KDSR: variants seen among roughly 807,000 people sequenced by gnomAD.
The protein encoded by KDSR is 3-ketodihydrosphingosine reductase.
Under a neutral mutation model 41.3 loss-of-function variants are expected in KDSR, and 23 were observed. That is an observed-to-expected ratio of 0.56 (90% confidence interval 0.40 to 0.79). KDSR has a LOEUF of 0.79. Among genes scored for constraint, KDSR ranks in the 30% least tolerant of loss-of-function variants. The pLI, the probability that KDSR is intolerant of heterozygous loss-of-function variation, is 0.00. For synonymous variants in KDSR, 138 were observed against 151.7 expected, an observed-to-expected ratio of 0.91 and a Z score of 0.66; for missense variants, 351 against 416.8, an observed-to-expected ratio of 0.84 and a Z score of 1.37.
chr18:63,351,145 C>T, intron 5 of KDSR, 66 bp from the exon 6 acceptor site: 2 of 1,358,040 alleles, frequency 1.5e-6, no homozygotes, highest in Non-Finnish European at 2.0e-6. Flanking sequence ...AGAATTTAGT[C>T]TGCTTTCTGG....
At chr18:63,357,541 T>TAC (rs1568282523) in intron 3 of KDSR, among the ~76,000 whole-genome samples, 1 of 145,092 alleles carries the variant, frequency 6.9e-6, no homozygotes, top group Non-Finnish European at 1.5e-5. Context: ...TATATATATA[T>TAC]ACACATATAT....
At chr18:63,340,105 T>C (rs1446706423) in intron 7 of KDSR, among the ~76,000 whole-genome samples, 1 of 152,190 alleles carries the variant, frequency 6.6e-6, no homozygotes, top group Non-Finnish European at 1.5e-5. Flanking sequence ...CACATCAATG[T>C]AGAATTGTAT....
At chr18:63,361,049 T>A (rs371958667) in intron 2 of KDSR, among the ~76,000 whole-genome samples, 2 of 59,050 alleles carry the variant, frequency 3.4e-5, no homozygotes, top group Admixed American at 1.8e-4. Flanking sequence ...AAATATATAT[T>A]TTATATATAT....
chr18:63,330,514 TAC>T lies in KDSR; in HGVS notation c.*1266_*1267del, dbSNP rs1913948015. ...CAGGGGCCAAGAGGGTTTCCAGGGC[TAC>T]AGAGTTAGATGAGTGGGCTTCCTTA... On this transcript the variant is annotated 3_prime_UTR_variant, in exon 10 of 10. Transcript: ENST00000645214. 1.3e-5 allele frequency: 3 copies of T among 231,836 alleles called. No individual in the cohort carries two copies. The highest frequency in any genetic ancestry group is 6.6e-5 in the African/African-American group (3 of 45,260). 14.4% of individuals were successfully genotyped at this position (231,836 alleles called of 1,614,324 possible). A position where few individuals can be genotyped will look rare whatever the true frequency, so the allele number is the denominator to read the frequency against.
At chr18:63,362,973 C>T in intron 1 of KDSR, 105 bp from the exon 2 acceptor site, 3 of 709,920 alleles carry the variant, frequency 4.2e-6, no homozygotes, top group Middle Eastern at 2.4e-4. Context: ...TCTACAAGAA[C>T]TAAATGATTA....
intron 6 of KDSR, among the ~76,000 whole-genome samples, chr18:63,350,428 G>A (rs1453203011): frequency 2.0e-5 from 3 of 152,140 alleles, no homozygotes; most frequent in African/African-American, 7.2e-5. Flanking sequence ...TTACAGATGA[G>A]GAAACTGAGA....
At chr18:63,362,975 A>G (rs1170488417) in intron 1 of KDSR, 107 bp from the exon 2 acceptor site, 5 of 702,598 alleles carry the variant, frequency 7.1e-6, no homozygotes, top group African/African-American at 1.8e-5. Flanking sequence ...TACAAGAACT[A>G]AATGATTAGC....
intron 7 of KDSR, among the ~76,000 whole-genome samples, chr18:63,343,905 C>T (rs74257015): frequency 0.074 from 11,268 of 152,142 alleles, 631 homozygotes; most frequent in East Asian, 0.27. Flanking sequence ...TGGCTGGGTA[C>T]AATGGCTCAT....
At chr18:63,352,983 A>G (rs1216762715) in intron 5 of KDSR, among the ~76,000 whole-genome samples, 4 of 149,268 alleles carry the variant, frequency 2.7e-5, no homozygotes, top group Admixed American at 6.7e-5. Context: ...CGTGACCAAC[A>G]TGGTGAAAAC....
intron 5 of KDSR, among the ~76,000 whole-genome samples, chr18:63,353,039 G>C (rs1914699053): frequency 6.6e-6 from 1 of 151,402 alleles, no homozygotes; most frequent in Non-Finnish European, 1.5e-5. Flanking sequence ...AAATTAGCCA[G>C]GCATAGTGGT....
intron 5 of KDSR, 139 bp from the exon 6 acceptor site, chr18:63,351,218 A>C (rs1914654882): frequency 1.6e-6 from 1 of 615,600 alleles, no homozygotes; most frequent in African/African-American, 1.8e-5. Context: ...TGAATGAATG[A>C]ATGATGACAT....
chr18:63,355,227 C>A lies in KDSR; in HGVS notation c.394G>T (p.Asp132Tyr). 5 of 1,613,798 alleles carry A rather than the reference C, an allele frequency of 3.1e-6. No homozygotes were observed. Among genetic ancestry groups the A allele is most frequent in the Non-Finnish European group, 4.2e-6 (5 of 1,179,680 alleles). Residue 132 changes from aspartate to tyrosine, a missense_variant, in exon 5 of 10, where the codon GAT becomes TAT. Asp to Tyr is a radical substitution (Grantham distance 160). Coordinates refer to ENST00000645214, the MANE Select transcript of KDSR (RefSeq NM_002035.4). Reference sequence around the variant, plus strand: ...ACTTCAAAGGTACTAACTTCAAGATCTTCAAATTTTCCTGACACTGCCATT... The same window carrying A: ...ACTTCAAAGGTACTAACTTCAAGATATTCAAATTTTCCTGACACTGCCATT... ...AGMAVSGKFE[D>Y]LEVSTFERLM... is the part of the protein sequence containing the mutation.
chr18:63,358,351 C>T (rs929206689), intron 3 of KDSR, among the ~76,000 whole-genome samples: 3 of 151,912 alleles, frequency 2.0e-5, no homozygotes, highest in Admixed American at 6.6e-5. Flanking sequence ...AGATTCTTCA[C>T]GGGGTGAGGA....
At chr18:63,333,313 T>C (rs541670696) in intron 9 of KDSR, among the ~76,000 whole-genome samples, 12 of 152,354 alleles carry the variant, frequency 7.9e-5, no homozygotes, top group Admixed American at 1.3e-4. Flanking sequence ...CTCAAACTCC[T>C]GAGCTCAAGC....
At chr18:63,331,990 A>T in intron 9 of KDSR, 89 bp from the exon 10 acceptor site, 2 of 1,357,138 alleles carry the variant, frequency 1.5e-6, no homozygotes. Context: ...TTTCTAAGAC[A>T]AATCTTCTAG....
rs1914629931 is a variant in KDSR at position 63,350,359 on chromosome 18, G to C, written c.609+529C>G. Among the ~76,000 whole-genome samples the C allele has an allele frequency of 2.6e-5, 4 of 152,238 alleles. No individual in the cohort carries two copies. In the South Asian group the frequency reaches 8.3e-4, roughly 32 times the overall value. On this transcript the variant is annotated intron_variant, in intron 6 of 9. Transcript: ENST00000645214. Reference sequence around the variant, plus strand: ...ATTCATTTTCCCAACAATTCTTTAAGATATAAAAATATAAATATTGGGAGA... The same window carrying C: ...ATTCATTTTCCCAACAATTCTTTAACATATAAAAATATAAATATTGGGAGA...
intron 1 of KDSR, among the ~76,000 whole-genome samples, chr18:63,365,404 T>C (rs1465767424): frequency 1.3e-5 from 2 of 152,262 alleles, no homozygotes; most frequent in African/African-American, 4.8e-5. Context: ...ATTACACTTT[T>C]CACTCTTCTT....
intron 1 of KDSR, among the ~76,000 whole-genome samples, chr18:63,364,054 T>A (rs1599342063): frequency 6.6e-6 from 1 of 152,152 alleles, no homozygotes; most frequent in South Asian, 2.1e-4. Context: ...CAGCAGAAGA[T>A]TACTGTAAAA....
At chr18:63,355,145 C>T (rs959452359) in intron 5 of KDSR, 59 bp downstream of exon 5, 21 of 1,124,582 alleles carry the variant, frequency 1.9e-5, no homozygotes, top group Admixed American at 1.2e-4. Flanking sequence ...AGCTTTTACC[C>T]GTAGCTTGCT....
Sources: gnomAD v4.1 joint callset for allele counts (sites outside exome capture counted in the v4.1 genomes callset) on GRCh38, gnomAD v4.1.1 for gene constraint, MANE v1.5 for transcripts, NCBI Gene and HGNC (gene_info 2026-07-23, HGNC 2026-07-21) for gene names.